Variants in LRRC72 observed in about 807,000 individuals in gnomAD.
LRRC72 encodes the protein leucine rich repeat containing 72, also known as leucine-rich repeat-containing protein 72.
A neutral mutation model predicts 35.8 loss-of-function variants in LRRC72; 41 were observed. The ratio of observed to expected loss-of-function variants is 1.15; its 90% CI spans 0.89 to 1.49. The LOEUF (loss-of-function observed/expected upper bound fraction) is 1.49, where lower values mean the gene tolerates loss of function less well. LRRC72 is among the 40% of genes most tolerant of loss of function. The pLI, the probability that LRRC72 is intolerant of heterozygous loss-of-function variation, is 0.00. For missense variants in LRRC72, 389 were observed against 330.7 expected (o/e 1.18, Z -1.37); for synonymous variants, 118 against 119.2 (o/e 0.99, Z 0.07).
chr7:16,534,794 C>T (rs1200177661), intron 2 of LRRC72, among the ~76,000 whole-genome samples: 1 of 150,526 alleles, frequency 6.6e-6, no homozygotes, highest in Non-Finnish European at 1.5e-5. Context: ...ACTATCGCCC[C>T]ATGTAATAGT....
At chr7:16,562,282 G>A (rs1215038167) in intron 5 of LRRC72, among the ~76,000 whole-genome samples, 1 of 151,904 alleles carries the variant, frequency 6.6e-6, no homozygotes, top group African/African-American at 2.4e-5. Context: ...TTCTAAATCA[G>A]AATCCACATG....
At chr7:16,547,796 C>A (rs1455532393) in intron 3 of LRRC72, among the ~76,000 whole-genome samples, 1 of 152,244 alleles carries the variant, frequency 6.6e-6, no homozygotes, top group African/African-American at 2.4e-5. Context: ...GGCAGCTCGG[C>A]ACTGGCCTGC....
intron 7 of LRRC72, among the ~76,000 whole-genome samples, chr7:16,577,297 G>A (rs1562755584): frequency 6.6e-6 from 1 of 152,112 alleles, no homozygotes. Context: ...ATTTACTGAG[G>A]CCCCCCAAGA....
chr7:16,551,937 G>A (rs1782558839), intron 3 of LRRC72, among the ~76,000 whole-genome samples: 1 of 152,212 alleles, frequency 6.6e-6, no homozygotes, highest in African/African-American at 2.4e-5. Flanking sequence ...GGGTGGGGGA[G>A]CAGTCTTGTG....
chr7:16,528,541 CCATT>C (rs1364786538), intron 1 of LRRC72, among the ~76,000 whole-genome samples: 4 of 152,078 alleles, frequency 2.6e-5, no homozygotes, highest in African/African-American at 4.8e-5. Flanking sequence ...TTGCCAGTTC[CCATT>C]CATTCTCCCT....
chr7:16,536,453 C>T (rs1276370000), intron 2 of LRRC72, among the ~76,000 whole-genome samples: 1 of 151,962 alleles, frequency 6.6e-6, no homozygotes, highest in African/African-American at 2.4e-5. Context: ...ACTCCTTAAG[C>T]TAAGACACCT....
Position 16,567,507 on chromosome 7 carries a change from C to T in LRRC72, c.634C>T (p.Pro212Ser), listed in dbSNP as rs760203919. 1.3e-6 allele frequency: 2 copies of T among 1,491,480 alleles called. No individual in the cohort carries two copies. Among genetic ancestry groups the T allele is most frequent in the Non-Finnish European group, 1.8e-6 (2 of 1,117,890 alleles). The allele number at this position is 1,491,480 out of a possible 1,614,324, so 92.4% of individuals were successfully genotyped here. A position where few individuals can be genotyped will look rare whatever the true frequency, so the allele number is the denominator to read the frequency against. ...GGATGCTTCATGGGATCCTAAATCACCATTTAAGCAAAAACCAGCCCAGAG... is the reference window on the plus strand; with the variant it reads ...GGATGCTTCATGGGATCCTAAATCATCATTTAAGCAAAAACCAGCCCAGAG... ...KVDASWDPKS[P>S]FKQKPAQRVP... The change falls in exon 7 of 9, where the codon CCA becomes TCA. Residue 212 changes from proline to serine, a missense_variant. Physicochemically the swap from Pro to Ser is moderately conservative, Grantham distance 74. Coordinates refer to ENST00000401542, the MANE Select transcript of LRRC72 (RefSeq NM_001195280.2).
intron 3 of LRRC72, among the ~76,000 whole-genome samples, chr7:16,550,466 A>G (rs907956963): frequency 2.0e-5 from 3 of 152,126 alleles, no homozygotes; most frequent in African/African-American, 7.2e-5. Context: ...ATAAGACCCA[A>G]CCTCCTTACT....
intron 2 of LRRC72, among the ~76,000 whole-genome samples, chr7:16,535,535 G>A (rs1310746427): frequency 6.6e-6 from 1 of 152,142 alleles, no homozygotes; most frequent in Non-Finnish European, 1.5e-5. Context: ...TGAAGCTAAA[G>A]CTATTGAGTA....
In LRRC72 at chr7:16,581,392, C is replaced by A; in HGVS notation, c.767C>A (p.Thr256Asn). The change falls in exon 9 of 9, where the codon ACC (threonine) becomes AAC (asparagine). Residue 256 changes from threonine (T) to asparagine (N), a missense_variant. Physicochemically the swap from Thr to Asn is moderately conservative, Grantham distance 65 (BLOSUM62 0). Transcript: ENST00000401542. ...ATGAAGAGATCAGTGATGACTTTGA[C>A]CTCTATGAACTGGGACACAGTTCCA... is the stretch of plus-strand genomic sequence containing the variant. ...RSMKRSVMTL[T>N]SMNWDTVPTR... 1.3e-6 allele frequency: 2 copies of A among 1,549,646 alleles called. No homozygotes were observed. The highest frequency in any genetic ancestry group is 1.7e-6 in the Non-Finnish European group (2 of 1,146,498).
chr7:16,568,728 C>G (rs907824349), intron 7 of LRRC72, among the ~76,000 whole-genome samples: 7 of 151,982 alleles, frequency 4.6e-5, no homozygotes, highest in African/African-American at 1.2e-4. Context: ...ACAACAACAA[C>G]AAGAGTCTTC....
rs201943723 is a variant in LRRC72, at chr7:16,570,498, GA to G, written c.670+2962del. 8.9e-3 allele frequency among the ~76,000 whole-genome samples: 1,357 copies of G among 152,086 alleles called. 11 individuals carry two copies. The highest frequency in any genetic ancestry group is 0.017 in the African/African-American group (698 of 41,500). ...ACCATAATGTCACTCTCACACCTTA[GA>G]AAAAAACTGGTTTGTTTATATTACT... is the stretch of plus-strand genomic sequence containing the variant. On this transcript the variant is annotated intron_variant, in intron 7 of 8. Coordinates refer to ENST00000401542, the MANE Select transcript of LRRC72 (RefSeq NM_001195280.2).
chr7:16,540,267 C>T (rs1782334337), intron 3 of LRRC72, among the ~76,000 whole-genome samples: 1 of 152,196 alleles, frequency 6.6e-6, no homozygotes, highest in Non-Finnish European at 1.5e-5. Flanking sequence ...ACTGACTGCC[C>T]CACCTGGTTT....
Position 16,544,154 on chromosome 7 carries a change from T to C in LRRC72, c.234+6458T>C, listed in dbSNP as rs1583639453. Among the ~76,000 whole-genome samples the C allele has an allele frequency of 3.3e-5, 5 of 152,290 alleles. No homozygotes were observed. The South Asian group carries it at 1.0e-3, about 32-fold the overall frequency. ...TGCCTGGAATGAGACAACACAGTTG[T>C]CTTTGAAGGCAATGAATGTAATTTG... On this transcript the variant is annotated intron_variant, in intron 3 of 8. Transcript: ENST00000401542.
intron 3 of LRRC72, among the ~76,000 whole-genome samples, chr7:16,539,335 T>A (rs1229303858): frequency 6.6e-6 from 1 of 152,146 alleles, no homozygotes; most frequent in Non-Finnish European, 1.5e-5. Flanking sequence ...AGAAAATTAT[T>A]TAGGGTATCT....
At chr7:16,543,992 G>A (rs768449443) in intron 3 of LRRC72, among the ~76,000 whole-genome samples, 7 of 152,138 alleles carry the variant, frequency 4.6e-5, no homozygotes, top group Non-Finnish European at 1.0e-4. Flanking sequence ...CATCCTATTT[G>A]GATATAGCTT....
intron 7 of LRRC72, among the ~76,000 whole-genome samples, chr7:16,573,462 AC>A (rs1285365847): frequency 2.6e-5 from 4 of 152,288 alleles, no homozygotes; most frequent in African/African-American, 9.6e-5. Context: ...AGATATATAG[AC>A]CAATGTAACA....
rs544410392 is a variant in LRRC72 at position 16,532,662 on chromosome 7, C to T, written c.164+94C>T. On this transcript the variant is annotated intron_variant, in intron 2 of 8. Transcript: ENST00000401542. Reference sequence around the variant, plus strand: ...ATTCAAATGTTATTTTCCATTTTTCCCCCTCAAGGACTGGGTAGGACTCCA... The same window carrying T: ...ATTCAAATGTTATTTTCCATTTTTCTCCCTCAAGGACTGGGTAGGACTCCA... 1.8e-4 allele frequency: 182 copies of T among 1,026,914 alleles called. No individual in the cohort carries two copies. In the African/African-American group the frequency reaches 2.4e-3, roughly 14 times the overall value. 63.6% of individuals were successfully genotyped at this position (1,026,914 alleles called of 1,614,324 possible).
At chr7:16,553,371 G>A (rs548250308) in intron 3 of LRRC72, among the ~76,000 whole-genome samples, 67 of 152,306 alleles carry the variant, frequency 4.4e-4, no homozygotes, top group African/African-American at 1.6e-3. Context: ...TGGATCTCGA[G>A]AAAGTTGTTT....
Sources: gnomAD v4.1 joint callset for allele counts (sites outside exome capture counted in the v4.1 genomes callset) on GRCh38, gnomAD v4.1.1 for gene constraint, MANE v1.5 for transcripts, NCBI Gene and HGNC (gene_info 2026-07-23, HGNC 2026-07-21) for gene names.